Variants in TSHZ2 observed in about 807,000 individuals in gnomAD.
The protein encoded by TSHZ2 is teashirt zinc finger homeobox 2, also known as teashirt homolog 2.
A neutral mutation model predicts 74.4 loss-of-function variants in TSHZ2; 21 were observed. That is an observed-to-expected ratio of 0.28 (90% CI 0.20 to 0.41). The LOEUF (loss-of-function observed/expected upper bound fraction) is 0.41. Ranked by LOEUF, TSHZ2 falls within the 10% of genes least tolerant of loss-of-function variation. The probability of loss-of-function intolerance (pLI) is 1.00; values close to 1 mark genes in which losing one functional copy is unlikely to be tolerated. For missense variants in TSHZ2, 1,244 were observed against 1,293.5 expected (o/e 0.96, Z 0.59); for synonymous variants, 540 against 515.3 (o/e 1.05, Z -0.65).
At chr20:53,062,644 G>A (rs951798731) in intron 1 of TSHZ2, among the ~76,000 whole-genome samples, 4 of 152,186 alleles carry the variant, frequency 2.6e-5, no homozygotes, top group African/African-American at 9.6e-5. Flanking sequence ...TGGCTTAAGG[G>A]AATGTTGTGG....
At chr20:53,190,135 A>ATATATATATG (rs1988702604) in intron 1 of TSHZ2, among the ~76,000 whole-genome samples, 1 of 89,902 alleles carries the variant, frequency 1.1e-5, no homozygotes, top group African/African-American at 4.3e-5. Flanking sequence ...ATATATATAT[A>ATATATATATG]TATTTTCTTA....
intron 2 of TSHZ2, among the ~76,000 whole-genome samples, chr20:53,375,054 A>G (rs555224760): frequency 1.3e-5 from 2 of 152,222 alleles, no homozygotes; most frequent in African/African-American, 4.8e-5. Flanking sequence ...ACATATACAC[A>G]TGTGTACATA....
At chr20:53,190,817 A>T (rs1988718963) in intron 1 of TSHZ2, among the ~76,000 whole-genome samples, 4 of 152,180 alleles carry the variant, frequency 2.6e-5, no homozygotes, top group Admixed American at 2.6e-4. Context: ...GCATCTATAA[A>T]ACAAAAAGTG....
At chr20:53,026,045 A>G (rs1317311656) in intron 1 of TSHZ2, among the ~76,000 whole-genome samples, 6 of 152,124 alleles carry the variant, frequency 3.9e-5, no homozygotes, top group African/African-American at 1.4e-4. Flanking sequence ...GCTCTTTGTC[A>G]TTTGTTTTTC....
intron 1 of TSHZ2, among the ~76,000 whole-genome samples, chr20:53,006,354 A>G (rs963633181): frequency 4.6e-5 from 7 of 152,244 alleles, no homozygotes; most frequent in Non-Finnish European, 7.3e-5. Flanking sequence ...AAATAGATAC[A>G]GATTTTTATA....
Position 53,334,146 on chromosome 20 carries a change from C to T in TSHZ2, c.*8+77575C>T, listed in dbSNP as rs187051371. Among the ~76,000 whole-genome samples the T allele has an allele frequency of 2.4e-3, 364 of 152,162 alleles. 1 individual carries two copies. Among genetic ancestry groups the T allele is most frequent in the Non-Finnish European group, 3.6e-3 (245 of 68,008 alleles). On this transcript the variant is annotated intron_variant, in intron 2 of 2. Coordinates refer to ENST00000371497, the MANE Select transcript of TSHZ2 (RefSeq NM_173485.6). ...AGAGCAAAGTAGACACCAATGTTGC[C>T]CTAAGGAGCTTGTGTTCTAAGGGTA...
At chr20:53,136,309 T>C (rs1987243862) in intron 1 of TSHZ2, among the ~76,000 whole-genome samples, 2 of 152,182 alleles carry the variant, frequency 1.3e-5, no homozygotes, top group Admixed American at 1.3e-4. Context: ...ATTCAAACCA[T>C]AGCAAGTAGA....
At chr20:53,241,693 T>G (rs1051112714) in intron 1 of TSHZ2, among the ~76,000 whole-genome samples, 4 of 152,190 alleles carry the variant, frequency 2.6e-5, no homozygotes, top group Non-Finnish European at 5.9e-5. Context: ...TGCTGATTTT[T>G]ACCAGGCATT....
At chr20:53,152,732 T>C (rs555923672) in intron 1 of TSHZ2, among the ~76,000 whole-genome samples, 1 of 152,336 alleles carries the variant, frequency 6.6e-6, no homozygotes, top group South Asian at 2.1e-4. Context: ...AAATATGAAA[T>C]TATGTCTGAC....
chr20:53,210,250 A>G (rs1336530582), intron 1 of TSHZ2, among the ~76,000 whole-genome samples: 1 of 152,206 alleles, frequency 6.6e-6, no homozygotes, highest in Non-Finnish European at 1.5e-5. Flanking sequence ...AACCAGCTCA[A>G]TGGACCCTCT....
intron 1 of TSHZ2, among the ~76,000 whole-genome samples, chr20:53,175,127 CTTTCTTT>C (rs1600724579): frequency 2.9e-5 from 2 of 68,186 alleles, no homozygotes; most frequent in East Asian, 1.7e-3. Flanking sequence ...CCTTCTTCTT[CTTTCTTT>C]TTTTTTTTTT....
intron 2 of TSHZ2, among the ~76,000 whole-genome samples, chr20:53,457,272 A>G (rs1267203932): frequency 2.8e-5 from 4 of 143,776 alleles, no homozygotes; most frequent in Non-Finnish European, 6.0e-5. Flanking sequence ...GAGGTCCTTC[A>G]CATCCCTTGT....
At chr20:53,196,264 T>A (rs1988863213) in intron 1 of TSHZ2, 1 of 151,370 alleles carries the variant, frequency 6.6e-6, no homozygotes, top group Non-Finnish European at 1.5e-5. Context: ...GCAAGAGGAA[T>A]TCTCCCTTCT....
chr20:53,193,553 C>T (rs367840880), intron 1 of TSHZ2, among the ~76,000 whole-genome samples: 3 of 152,238 alleles, frequency 2.0e-5, no homozygotes, highest in East Asian at 3.9e-4. Context: ...AGATCTGTCT[C>T]GTTCATCACT....
At chr20:53,234,914 A>G (rs1461587970) in intron 1 of TSHZ2, among the ~76,000 whole-genome samples, 1 of 152,086 alleles carries the variant, frequency 6.6e-6, no homozygotes, top group Non-Finnish European at 1.5e-5. Context: ...GATCTGATGT[A>G]TCTTTCATTC....
intron 1 of TSHZ2, among the ~76,000 whole-genome samples, chr20:53,139,720 T>A (rs1600708428): frequency 1.0e-5 from 1 of 100,228 alleles, no homozygotes; most frequent in Non-Finnish European, 2.6e-5. Context: ...ATGTTTACAC[T>A]CCTAATGATA....
chr20:53,137,727 ATTC>A (rs1448449659), intron 1 of TSHZ2, among the ~76,000 whole-genome samples: 1 of 152,032 alleles, frequency 6.6e-6, no homozygotes. Context: ...CCTTTAATCC[ATTC>A]TTCTTATTGG....
chr20:53,282,680 A>G (rs1195613211), intron 2 of TSHZ2, among the ~76,000 whole-genome samples: 4 of 152,232 alleles, frequency 2.6e-5, no homozygotes, highest in African/African-American at 9.6e-5. Context: ...GCCGGTTCTG[A>G]CACTGAAGTC....
At chr20:53,098,118 A>G (rs1986108595) in intron 1 of TSHZ2, 1 of 152,188 alleles carries the variant, frequency 6.6e-6, no homozygotes, top group African/African-American at 2.4e-5. Flanking sequence ...TCCATTCAAA[A>G]TCAGCAGAAT....
Sources: allele counts gnomAD v4.1 joint callset (sites outside exome capture counted in the v4.1 genomes callset), GRCh38; gene constraint gnomAD v4.1.1; transcripts MANE v1.5; gene names NCBI Gene and HGNC (gene_info 2026-07-23, HGNC 2026-07-21).